Variants in MDFIC observed in about 807,000 individuals in gnomAD.
MDFIC encodes the protein MyoD family inhibitor domain containing, also known as myoD family inhibitor domain-containing protein.
Under a neutral mutation model 23.2 loss-of-function variants are expected in MDFIC, and 17 were observed. The observed-to-expected ratio is 0.73, with a 90% CI of 0.50 to 1.10. The LOEUF is 1.10. MDFIC is among the 50% of genes least tolerant of loss of function. The pLI is 0.00. For synonymous variants in MDFIC, 120 were observed against 115.2 expected, an observed-to-expected ratio of 1.04 and a Z score of -0.27; for missense variants, 356 against 316.6, an observed-to-expected ratio of 1.12 and a Z score of -0.95.
At chr7:115,010,219 T>C (rs1376041422) in intron 4 of MDFIC, among the ~76,000 whole-genome samples, 1 of 152,226 alleles carries the variant, frequency 6.6e-6, no homozygotes, top group Non-Finnish European at 1.5e-5. Context: ...ACCATTATTG[T>C]GCCTTTTATG....
At chr7:114,963,149 G>C (rs960460466) in intron 3 of MDFIC, among the ~76,000 whole-genome samples, 1 of 152,152 alleles carries the variant, frequency 6.6e-6, no homozygotes, top group Non-Finnish European at 1.5e-5. Flanking sequence ...TATACTGAGA[G>C]TGGTCTTATA....
intron 3 of MDFIC, among the ~76,000 whole-genome samples, chr7:114,944,251 A>T (rs1210641397): frequency 6.6e-6 from 1 of 152,172 alleles, no homozygotes; most frequent in Non-Finnish European, 1.5e-5. Context: ...ACCCCCTCTG[A>T]AAGGGCTGCT....
intron 3 of MDFIC, among the ~76,000 whole-genome samples, chr7:114,973,106 T>C (rs1279401119): frequency 6.7e-6 from 1 of 150,258 alleles, no homozygotes. Flanking sequence ...TGTGTGTATA[T>C]ATATATATAT....
intron 2 of MDFIC, among the ~76,000 whole-genome samples, chr7:114,938,638 G>A (rs570403216): frequency 6.6e-6 from 1 of 152,246 alleles, no homozygotes; most frequent in South Asian, 2.1e-4. Flanking sequence ...AGACAGCATT[G>A]TTGAGATAAT....
At position 114,979,699 on chromosome 7, in the gene MDFIC, C is replaced by T. The variant is rs1793384801; in HGVS notation, c.411C>T (p.Ser137=). 1 of 1,613,934 alleles carries T rather than the reference C, an allele frequency of 6.2e-7. No homozygotes were observed. The highest frequency in any genetic ancestry group is 1.7e-5 in the Admixed American group (1 of 59,994). Residue 137 remains serine (S), a synonymous_variant, in exon 4 of 5, where the codon TCC becomes TCT. Coordinates refer to ENST00000393486, the MANE Select transcript of MDFIC (RefSeq NM_001166345.3). ...VSQKMHRKIQ[S]SLSVNSDISK... is the part of the protein sequence containing the mutation. ...AAAAAATGCATAGAAAAATTCAGTC[C>T]AGCTTGTCTGTAAACAGCGATATCA...
intron 4 of MDFIC, among the ~76,000 whole-genome samples, chr7:114,987,739 T>C (rs1793538550): frequency 6.6e-6 from 1 of 152,166 alleles, no homozygotes; most frequent in African/African-American, 2.4e-5. Flanking sequence ...AAAGTATAAA[T>C]CATTCTGCAC....
chr7:114,971,478 C>T (rs1265019247), intron 3 of MDFIC, among the ~76,000 whole-genome samples: 1 of 152,102 alleles, frequency 6.6e-6, no homozygotes, highest in Non-Finnish European at 1.5e-5. Context: ...GGACCTCTAT[C>T]AGAAAAGCGT....
rs1201388582 is a variant in MDFIC at position 114,922,608 on chromosome 7, G to A, written c.-136G>A. The A allele has an allele frequency of 1.6e-6, 2 of 1,284,422 alleles. No individual in the cohort carries two copies. The highest frequency in any genetic ancestry group is 2.0e-6 in the Non-Finnish European group (2 of 1,009,248). 79.6% of individuals were successfully genotyped at this position (1,284,422 alleles called of 1,614,324 possible). On this transcript the variant is annotated 5_prime_UTR_variant, in exon 1 of 5. Coordinates refer to ENST00000393486, the MANE Select transcript of MDFIC (RefSeq NM_001166345.3). ...AGAGGAGGAGGAGGAGGAGGAAGGG[G>A]CTTGGAGCGACTACGGGGGGATGCG... is the stretch of plus-strand genomic sequence containing the variant.
At chr7:114,954,691 G>A (rs1413897506) in intron 3 of MDFIC, among the ~76,000 whole-genome samples, 1 of 152,158 alleles carries the variant, frequency 6.6e-6, no homozygotes, top group Admixed American at 6.5e-5. Context: ...TTTAAGCACA[G>A]CTCCTGGTAG....
At chr7:114,995,934 G>T (rs1157623388) in intron 4 of MDFIC, among the ~76,000 whole-genome samples, 1 of 152,182 alleles carries the variant, frequency 6.6e-6, no homozygotes, top group African/African-American at 2.4e-5. Context: ...GACTGCAGCT[G>T]TTCCTATTTG....
chr7:114,939,986 A>G (rs1792506645), intron 2 of MDFIC, among the ~76,000 whole-genome samples: 1 of 152,086 alleles, frequency 6.6e-6, no homozygotes, highest in Non-Finnish European at 1.5e-5. Context: ...TCCATGAAAA[A>G]TCTCTTTTAT....
At chr7:114,974,094 T>C in intron 3 of MDFIC, among the ~76,000 whole-genome samples, 1 of 152,164 alleles carries the variant, frequency 6.6e-6, no homozygotes, top group East Asian at 1.9e-4. Flanking sequence ...ATGTAGGGTC[T>C]CCATATTGAG....
At position 114,996,025 on chromosome 7, in the gene MDFIC, A is replaced by G. The variant is rs1791319775; in HGVS notation, c.493+16244A>G. ...GATAACTTCAGTTCTAAAATCAAAC[A>G]TCTCTAAGAACTGACCAGATAATTA... is the stretch of plus-strand genomic sequence containing the variant. On this transcript the variant is annotated intron_variant, in intron 4 of 4. Transcript: ENST00000393486. 2.0e-5 allele frequency among the ~76,000 whole-genome samples: 3 copies of G among 152,312 alleles called. No homozygotes were observed. In the South Asian group the frequency reaches 6.2e-4, roughly 32 times the overall value.
At chr7:114,992,979 C>T (rs76951620) in intron 4 of MDFIC, among the ~76,000 whole-genome samples, 1 of 152,124 alleles carries the variant, frequency 6.6e-6, no homozygotes. Context: ...TCCGTCTGGT[C>T]CTGGACTTTT....
At chr7:114,994,744 T>C (rs1300138618) in intron 4 of MDFIC, among the ~76,000 whole-genome samples, 1 of 152,250 alleles carries the variant, frequency 6.6e-6, no homozygotes, top group Non-Finnish European at 1.5e-5. Flanking sequence ...GGCTTCCCTT[T>C]GTGGGTAACC....
chr7:115,004,469 C>CA (rs992086716), intron 4 of MDFIC, among the ~76,000 whole-genome samples: 4 of 152,268 alleles, frequency 2.6e-5, no homozygotes, highest in South Asian at 4.1e-4. Context: ...AAAAAAAGGA[C>CA]AAAAAACGAA....
intron 4 of MDFIC, among the ~76,000 whole-genome samples, chr7:115,004,744 T>G (rs145110554): frequency 4.0e-4 from 61 of 152,288 alleles, no homozygotes; most frequent in African/African-American, 1.3e-3. Flanking sequence ...TTTTTCCACT[T>G]CCTATGCACT....
chr7:114,940,290 T>C (rs755477065), intron 2 of MDFIC, among the ~76,000 whole-genome samples: 3 of 152,228 alleles, frequency 2.0e-5, no homozygotes, highest in Non-Finnish European at 4.4e-5. Context: ...TGTCTCTCTA[T>C]TTTTATGTGT....
At chr7:114,993,302 G>C (rs915366085) in intron 4 of MDFIC, among the ~76,000 whole-genome samples, 30 of 152,190 alleles carry the variant, frequency 2.0e-4, no homozygotes, top group African/African-American at 6.7e-4. Flanking sequence ...CAAAAAACCA[G>C]CTCCTGGATT....
Sources: allele counts gnomAD v4.1 joint callset (sites outside exome capture counted in the v4.1 genomes callset), GRCh38; gene constraint gnomAD v4.1.1; transcripts MANE v1.5; gene names NCBI Gene and HGNC (gene_info 2026-07-23, HGNC 2026-07-21).